The following PAK6 variants were observed in gnomAD, a reference collection of about 807,000 sequenced individuals.
The protein encoded by PAK6 is serine/threonine-protein kinase PAK 6.
In PAK6, 33 loss-of-function variants were observed where a neutral mutation model predicts 60.8. That is an observed-to-expected ratio of 0.54 (90% CI 0.41 to 0.73). The LOEUF is 0.73. Among genes scored for constraint, PAK6 ranks in the 30% least tolerant of loss-of-function variants. The probability of loss-of-function intolerance (pLI) is 0.00; values close to 1 mark genes in which losing one functional copy is unlikely to be tolerated. For missense variants in PAK6, 845 were observed against 904.1 expected (o/e 0.93, Z 0.84); for synonymous variants, 404 against 378.5 (o/e 1.07, Z -0.78).
At chr15:40,273,789 C>T (rs2140994310) in intron 9 of PAK6, 113 bp downstream of exon 9, 1 of 1,289,082 alleles carries the variant, frequency 7.8e-7, no homozygotes. Flanking sequence ...TTTCAGAGTC[C>T]CACCTAGTCA....
At chr15:40,252,209 C>A in intron 2 of PAK6, 1 of 1,143,988 alleles carries the variant, frequency 8.7e-7, no homozygotes, top group Non-Finnish European at 1.1e-6. Context: ...CCGCTCAGGT[C>A]CGGGAGAGTC....
At chr15:40,240,478 G>T (rs1418368700) in intron 1 of PAK6, 121 bp from the exon 2 acceptor site, 1 of 352,002 alleles carries the variant, frequency 2.8e-6, no homozygotes, top group South Asian at 2.2e-5. Context: ...GAGGGAGGCT[G>T]TGTGCCCACA....
chr15:40,266,616 C>A (rs534643422), intron 5 of PAK6, 121 bp downstream of exon 5: 3 of 1,010,782 alleles, frequency 3.0e-6, no homozygotes, highest in African/African-American at 3.3e-5. Context: ...CCGCCTAAGG[C>A]GGCAGAAATG....
At chr15:40,254,046 C>T (rs954559454) in intron 3 of PAK6, among the ~76,000 whole-genome samples, 3 of 152,148 alleles carry the variant, frequency 2.0e-5, no homozygotes, top group Non-Finnish European at 2.9e-5. Context: ...CCTGCAGTGC[C>T]ATGAATTCTC....
At chr15:40,257,697 C>A (rs976223682) in intron 3 of PAK6, among the ~76,000 whole-genome samples, 6 of 152,174 alleles carry the variant, frequency 3.9e-5, no homozygotes, top group Non-Finnish European at 7.4e-5. Flanking sequence ...CTCTGTAGTG[C>A]CACCCTGCAT....
rs753035395 is a variant in PAK6 at position 40,272,852 on chromosome 15, C to T, written c.1357-14C>T. 1.2e-6 allele frequency: 2 copies of T among 1,612,550 alleles called. No individual in the cohort carries two copies. Among genetic ancestry groups the T allele is most frequent in the Middle Eastern group, 1.7e-4 (1 of 6,058 alleles). ...GGCACTGTGCCTGGCACTCAGGCCC[C>T]CGCCTGCCCCCAGGTGGTGATCATG... On this transcript the variant is annotated splice_polypyrimidine_tract_variant and intron_variant, in intron 6 of 10. Coordinates refer to ENST00000560346, the Ensembl canonical transcript of PAK6.
intron 2 of PAK6, chr15:40,252,803 G>A (rs1348220227): frequency 7.7e-7 from 1 of 1,297,924 alleles, no homozygotes; most frequent in Non-Finnish European, 1.0e-6. Context: ...CCGGCGCCAG[G>A]CGAGGGGCCT....
exon 7 of PAK6, chr15:40,272,946 G>A (rs1203292049): frequency 6.2e-7 from 1 of 1,614,068 alleles, no homozygotes; most frequent in East Asian, 2.2e-5. Context: ...AGCTGTGGGT[G>A]CTCATGGAGT....
In PAK6 at chr15:40,266,151, G is replaced by A. The variant is rs756270578; in HGVS notation, c.514G>A (p.Gly172Arg). The A allele has an allele frequency of 1.2e-6, 2 of 1,609,374 alleles. No homozygotes were observed. The highest frequency in any genetic ancestry group is 3.3e-5 in the Admixed American group (2 of 59,960). Reference sequence around the variant, plus strand: ...ACAGAGCCCACGGGTCCTGCCCAATGGGCTGGCTGCAAAGGCACAGTCCCT... The same window carrying A: ...ACAGAGCCCACGGGTCCTGCCCAATAGGCTGGCTGCAAAGGCACAGTCCCT... The change falls in exon 5 of 11, where the codon GGG becomes AGG. Residue 172 changes from glycine to arginine, a missense_variant. Coordinates refer to ENST00000560346, the Ensembl canonical transcript of PAK6.
intron 3 of PAK6, among the ~76,000 whole-genome samples, chr15:40,253,562 C>T (rs1360138492): frequency 1.3e-5 from 2 of 152,254 alleles, no homozygotes; most frequent in Non-Finnish European, 2.9e-5. Context: ...ATCTTCAGGT[C>T]TGATGCCTGT....
rs767281349 is a variant in PAK6, at chr15:40,266,146, C to T, written c.509C>T (p.Pro170Leu). The T allele has an allele frequency of 3.7e-6, 6 of 1,609,452 alleles. No homozygotes were observed. The African/African-American group carries it at 5.3e-5, about 14-fold the overall frequency. Residue 170 changes from proline (P) to leucine (L), a missense_variant, in exon 5 of 11, where the codon CCC becomes CTC. By Grantham distance (98) the Pro-to-Leu change is moderately conservative (BLOSUM62 -3). Transcript: ENST00000560346. ...GAGCCACAGAGCCCACGGGTCCTGCCCAATGGGCTGGCTGCAAAGGCACAG... is the reference window on the plus strand; with the variant it reads ...GAGCCACAGAGCCCACGGGTCCTGCTCAATGGGCTGGCTGCAAAGGCACAG...
intron 2 of PAK6, among the ~76,000 whole-genome samples, chr15:40,248,435 C>G (rs889004835): frequency 1.3e-4 from 20 of 152,300 alleles, no homozygotes; most frequent in Admixed American, 1.1e-3. Flanking sequence ...TCTAGGAGCC[C>G]CAGCTCCACA....
intron 10 of PAK6, 107 bp downstream of exon 10, chr15:40,274,383 T>C: frequency 8.1e-7 from 1 of 1,227,492 alleles, no homozygotes; most frequent in Non-Finnish European, 1.1e-6. Flanking sequence ...CCACAGGGTC[T>C]GGGCTCCTGG....
At chr15:40,273,676 G>T in exon 9 of PAK6, 1 of 1,613,668 alleles carries the variant, frequency 6.2e-7, no homozygotes, top group Non-Finnish European at 8.5e-7. Flanking sequence ...ATGCCACTGA[G>T]GTAACCGTTC....
At chr15:40,272,260 C>T in exon 6 of PAK6, 4 of 1,612,166 alleles carry the variant, frequency 2.5e-6, no homozygotes, top group Non-Finnish European at 3.4e-6. Flanking sequence ...GAAAGACAAC[C>T]CCCCAAGCCT....
At chr15:40,273,297 G>T (rs1175233378) in intron 7 of PAK6, 49 bp from the exon 8 acceptor site, 1 of 1,595,810 alleles carries the variant, frequency 6.3e-7, no homozygotes, top group East Asian at 2.2e-5. Flanking sequence ...CCCACGACCT[G>T]CCAGAGCTAA....
Position 40,276,035 on chromosome 15 carries a change from C to T in PAK6, c.1987C>T (p.Leu663=), listed in dbSNP as rs753552055. The T allele has an allele frequency of 3.7e-6, 6 of 1,613,672 alleles. No individual in the cohort carries two copies. In the East Asian group the frequency reaches 1.3e-4, roughly 36 times the overall value. Reference sequence around the variant, plus strand: ...CCACCCCTTCCTGCTGCAGACAGGGCTACCTGAGTGCCTGGTGCCCCTGAT... The same window carrying T: ...CCACCCCTTCCTGCTGCAGACAGGGTTACCTGAGTGCCTGGTGCCCCTGAT... The change falls in exon 11 of 11, where the codon CTA becomes TTA. Residue 663 remains leucine (L), a synonymous_variant. Coordinates refer to ENST00000560346, the Ensembl canonical transcript of PAK6.
intron 5 of PAK6, 147 bp from the exon 6 acceptor site, chr15:40,272,074 ATCT>A: frequency 4.7e-6 from 4 of 842,232 alleles, no homozygotes; most frequent in Non-Finnish European, 7.5e-6. Context: ...CTGTCTGAAA[ATCT>A]TTGCTCAGAG....
chr15:40,239,374 T>G (rs1051882772), upstream of PAK6: 5 of 152,330 alleles, frequency 3.3e-5, no homozygotes, highest in Non-Finnish European at 5.9e-5. Context: ...TAGCACTGAG[T>G]CACCGCCCGC....
Sources: allele counts gnomAD v4.1 joint callset (sites outside exome capture counted in the v4.1 genomes callset), GRCh38; gene constraint gnomAD v4.1.1; transcripts MANE v1.5; gene names NCBI Gene and HGNC (gene_info 2026-07-23, HGNC 2026-07-21).